The following GTF2I variants were observed in gnomAD, a reference collection of about 807,000 sequenced individuals.
The protein encoded by GTF2I is general transcription factor II-I.
GTF2I carries 12 observed loss-of-function variants against 67.6 expected under a neutral mutation model. The ratio of observed to expected loss-of-function variants is 0.18; its 90% confidence interval spans 0.11 to 0.29. The LOEUF is 0.29. Ranked by LOEUF, GTF2I falls within the 10% of genes least tolerant of loss-of-function variation. GTF2I has a pLI of 1.00. For missense variants in GTF2I, 271 were observed against 580.1 expected, an observed-to-expected ratio of 0.47 and a Z score of 5.47; for synonymous variants, 149 against 197.0, an observed-to-expected ratio of 0.76 and a Z score of 2.04.
At chr7:74,705,553 C>CTT (rs11439887) in intron 7 of GTF2I, among the ~76,000 whole-genome samples, 3 of 141,396 alleles carry the variant, frequency 2.1e-5, no homozygotes, top group Non-Finnish European at 1.5e-5. Flanking sequence ...GTTGGTAACT[C>CTT]TTTTTTTTTT....
At chr7:74,747,840 GTTTCTGTAGAAATAGAAAAATGGT>G (rs1795529656) in intron 23 of GTF2I, among the ~76,000 whole-genome samples, 151 bp from the exon 24 acceptor site, 3 of 127,002 alleles carry the variant, frequency 2.4e-5, no homozygotes, top group Admixed American at 8.9e-5. Context: ...AGAAAAATGG[GTTTCTGTAGAAATAGAAAAATGGT>G]TTCTGTGGAA....
intron 6 of GTF2I, among the ~76,000 whole-genome samples, chr7:74,701,897 TG>T (rs1789826112): frequency 6.6e-6 from 1 of 152,262 alleles, no homozygotes; most frequent in Admixed American, 6.5e-5. Context: ...TGTTATTTCA[TG>T]AATGTTGTAG....
chr7:74,667,933 A>G (rs1169842378), intron 1 of GTF2I, among the ~76,000 whole-genome samples: 1 of 150,730 alleles, frequency 6.6e-6, no homozygotes, highest in Non-Finnish European at 1.5e-5. Context: ...TCCCGGGTTC[A>G]AGTGATTCTT....
intron 1 of GTF2I, among the ~76,000 whole-genome samples, chr7:74,669,647 C>T (rs1464923135): frequency 6.6e-6 from 1 of 151,898 alleles, no homozygotes; most frequent in Non-Finnish European, 1.5e-5. Flanking sequence ...TCTTCTCGTG[C>T]CTCAGCTTCC....
Position 74,705,248 on chromosome 7 carries a change from A to T in GTF2I, c.641+30A>T, listed in dbSNP as rs782308216. 5.2e-6 allele frequency: 7 copies of T among 1,346,060 alleles called. No individual in the cohort carries two copies. In the East Asian group the frequency reaches 1.6e-4, roughly 31 times the overall value. The allele number at this position is 1,346,060 out of a possible 1,614,324, so 83.4% of individuals were successfully genotyped here. A position where few individuals can be genotyped will look rare whatever the true frequency, so the allele number is the denominator to read the frequency against. Reference sequence around the variant, plus strand: ...AACCTAATTTCATTACTGCTGTTTAACTCCCACACCTCAAAAAGTTTTAGT... The same window carrying T: ...AACCTAATTTCATTACTGCTGTTTATCTCCCACACCTCAAAAAGTTTTAGT... On this transcript the variant is annotated intron_variant, in intron 7 of 34. Transcript: ENST00000573035.
rs1034930517 is a variant in GTF2I at position 74,706,513 on chromosome 7, A to T, written c.685+80A>T. 21 of 1,071,198 alleles carry T rather than the reference A, an allele frequency of 2.0e-5. No homozygotes were observed. In the Admixed American group the frequency reaches 2.2e-4, roughly 11 times the overall value. 66.4% of individuals were successfully genotyped at this position (1,071,198 alleles called of 1,614,324 possible). A position where few individuals can be genotyped will look rare whatever the true frequency, so the allele number is the denominator to read the frequency against. On this transcript the variant is annotated intron_variant, in intron 8 of 34. Transcript: ENST00000573035. The stretch of plus-strand genomic sequence containing the variant: ...GTGTAGAAGTTTATAGTTTGACTCA[A>T]TTATTGTTTTGTTTTGATAAGAAAG...
Position 74,689,242 on chromosome 7 carries a change from T to A in GTF2I, c.99+15T>A. ...TCGAGTCCATGGTGAGGCCTTCTGT[T>A]CCATCATTCCATAGTTGGGTAGGCC... On this transcript the variant is annotated intron_variant, in intron 2 of 34. Transcript: ENST00000573035. The A allele has an allele frequency of 7.3e-7, 1 of 1,377,420 alleles. No individual in the cohort carries two copies. Among genetic ancestry groups the A allele is most frequent in the Non-Finnish European group, 1.0e-6 (1 of 965,416 alleles). The allele number at this position is 1,377,420 out of a possible 1,614,324, so 85.3% of individuals were successfully genotyped here. A position where few individuals can be genotyped will look rare whatever the true frequency, so the allele number is the denominator to read the frequency against.
intron 3 of GTF2I, among the ~76,000 whole-genome samples, chr7:74,696,765 G>T (rs1316837574): frequency 6.6e-6 from 1 of 152,144 alleles, no homozygotes; most frequent in African/African-American, 2.4e-5. Flanking sequence ...AAAGTGCTGG[G>T]ATTACAGGCA....
chr7:74,667,328 G>A (rs1288006931), intron 1 of GTF2I, among the ~76,000 whole-genome samples: 1 of 152,078 alleles, frequency 6.6e-6, no homozygotes, highest in Non-Finnish European at 1.5e-5. Context: ...AGGCGACAGA[G>A]CAAGACACCA....
intron 1 of GTF2I, chr7:74,684,604 AC>A (rs1554394947): frequency 6.6e-6 from 1 of 152,204 alleles, no homozygotes. Context: ...CAGGAAGGAA[AC>A]TCTTGGGATG....
intron 3 of GTF2I, among the ~76,000 whole-genome samples, chr7:74,693,157 A>G (rs1332249902): frequency 2.1e-5 from 3 of 143,072 alleles, no homozygotes; most frequent in Non-Finnish European, 4.5e-5. Context: ...TATTGGTGCC[A>G]TTTTTCCTGC....
At chr7:74,712,321 C>T (rs1584244724) in intron 9 of GTF2I, among the ~76,000 whole-genome samples, 1 of 152,142 alleles carries the variant, frequency 6.6e-6, no homozygotes, top group African/African-American at 2.4e-5. Flanking sequence ...TTTGTCTCTT[C>T]TCTCCTCCCT....
chr7:74,743,588 AG>A (rs1212115344), intron 20 of GTF2I, 68 bp downstream of exon 20: 1 of 540,270 alleles, frequency 1.9e-6, no homozygotes, highest in African/African-American at 1.9e-5. Flanking sequence ...AATGAAGTAT[AG>A]AAGTTCGGGA....
intron 12 of GTF2I, among the ~76,000 whole-genome samples, chr7:74,720,831 C>T (rs1163292343): frequency 6.6e-6 from 1 of 150,924 alleles, no homozygotes; most frequent in East Asian, 1.9e-4. Context: ...CAAGCTCTGC[C>T]TTCCTGGTTC....
chr7:74,727,049 G>C (rs587628418), intron 12 of GTF2I: 2 of 152,306 alleles, frequency 1.3e-5, no homozygotes, highest in East Asian at 3.9e-4. Context: ...ATTTTATAGC[G>C]TCATTAGTTG....
In GTF2I at chr7:74,711,472, C is replaced by T. The variant is rs1238143193; in HGVS notation, c.763+363C>T. ...CTGCATAATTATAGTATATTAAACA[C>T]TTAAAGTAAAAAATCTGGTTAGCTT... is the stretch of plus-strand genomic sequence containing the variant. On this transcript the variant is annotated intron_variant, in intron 9 of 34. Transcript: ENST00000573035. Among the ~76,000 whole-genome samples, 3 of 152,158 alleles carry T rather than the reference C, an allele frequency of 2.0e-5. 1 individual carries two copies. Among genetic ancestry groups the T allele is most frequent in the Non-Finnish European group, 4.4e-5 (3 of 68,024 alleles).
At chr7:74,733,026 T>TCGCAATCTCAGCTCACTG (rs1794622847) in intron 15 of GTF2I, among the ~76,000 whole-genome samples, 1 of 149,310 alleles carries the variant, frequency 6.7e-6, no homozygotes, top group South Asian at 2.2e-4. Flanking sequence ...GAGTGCAGTG[T>TCGCAATCTCAGCTCACTG]CGCAATCTCA....
chr7:74,681,446 A>G lies in GTF2I; in HGVS notation c.-5-7678A>G, dbSNP rs1584114636. 2.6e-5 allele frequency among the ~76,000 whole-genome samples: 4 copies of G among 151,958 alleles called. No individual in the cohort carries two copies. In the South Asian group the frequency reaches 8.3e-4, roughly 32 times the overall value. ...CAAGACTCTGTCTCAAAAATAAAAAAAAAGAAAAAAAGAAAAAAAAATGGG... is the reference window on the plus strand; with the variant it reads ...CAAGACTCTGTCTCAAAAATAAAAAGAAAGAAAAAAAGAAAAAAAAATGGG... On this transcript the variant is annotated intron_variant, in intron 1 of 34. Transcript: ENST00000573035.
At chr7:74,691,206 TTC>T in intron 3 of GTF2I, 95 bp downstream of exon 3, 2 of 970,266 alleles carry the variant, frequency 2.1e-6, no homozygotes, top group Non-Finnish European at 3.0e-6. Context: ...CTTTCTTTCT[TTC>T]TTTTTTTTTT....
Sources: gnomAD v4.1 joint callset for allele counts (sites outside exome capture counted in the v4.1 genomes callset) on GRCh38, gnomAD v4.1.1 for gene constraint, MANE v1.5 for transcripts, NCBI Gene and HGNC (gene_info 2026-07-23, HGNC 2026-07-21) for gene names.